The following CACNA1B variants were observed in gnomAD, a reference collection of about 807,000 sequenced individuals.
CACNA1B encodes calcium voltage-gated channel subunit alpha1 B.
In CACNA1B, 70 loss-of-function variants were observed where a neutral mutation model predicts 247.2. That is an observed-to-expected ratio of 0.28 (90% CI 0.23 to 0.35). The LOEUF is 0.35. Ranked by LOEUF, CACNA1B falls within the 10% of genes least tolerant of loss-of-function variation. CACNA1B has a pLI of 1.00. For missense variants in CACNA1B, 2,367 were observed against 3,197.4 expected (o/e 0.74, Z 6.26); for synonymous variants, 1,231 against 1,294.4 (o/e 0.95, Z 1.05).
At chr9:138,094,481 C>T (rs1194275511) in intron 36 of CACNA1B, among the ~76,000 whole-genome samples, 1 of 121,640 alleles carries the variant, frequency 8.2e-6, no homozygotes, top group Non-Finnish European at 1.9e-5. Context: ...AGAAAGTGAA[C>T]ACTCAAACTT....
chr9:138,108,881 C>G (rs1210097334), intron 39 of CACNA1B, among the ~76,000 whole-genome samples: 1 of 152,180 alleles, frequency 6.6e-6, no homozygotes, highest in East Asian at 1.9e-4. Flanking sequence ...CATCTCCTGA[C>G]CTCGTGATCC....
chr9:138,059,800 C>A lies in CACNA1B; in HGVS notation c.4668+63C>A, dbSNP rs1487085010. Reference sequence around the variant, plus strand: ...GTGGTTTCCTTCTAGAGCCTGCTCCCCTCAGTGCATCTCCAGGCCCTGTGT... The same window carrying A: ...GTGGTTTCCTTCTAGAGCCTGCTCCACTCAGTGCATCTCCAGGCCCTGTGT... On this transcript the variant is annotated intron_variant, in intron 31 of 46. Coordinates refer to ENST00000371372, the MANE Select transcript of CACNA1B (RefSeq NM_000718.4). The surrounding 1 kb of genome is among the most constrained non-coding windows in gnomAD (Gnocchi z 4.2). 12 of 916,830 alleles carry A rather than the reference C, an allele frequency of 1.3e-5. No homozygotes were observed. Among genetic ancestry groups the A allele is most frequent in the Admixed American group, 3.4e-5 (2 of 58,208 alleles). The allele number at this position is 916,830 out of a possible 1,614,324, so 56.8% of individuals were successfully genotyped here.
chr9:137,878,968 C>A, intron 1 of CACNA1B, 86 bp from the exon 2 acceptor site: 4 of 794,546 alleles, frequency 5.0e-6, no homozygotes, highest in Non-Finnish European at 6.2e-6. Context: ...GACGGCCTAG[C>A]GGTGGCTGCT....
At chr9:138,095,197 A>C (rs12336449) in intron 36 of CACNA1B, among the ~76,000 whole-genome samples, 6,652 of 152,330 alleles carry the variant, frequency 0.044, 446 homozygotes, top group African/African-American at 0.15. Context: ...AAATACTTGC[A>C]AATCACATAT....
rs572754842 is a variant in CACNA1B at position 137,954,286 on chromosome 9, T to C, written c.1071-1412T>C. Among the ~76,000 whole-genome samples, 1 of 152,308 alleles carries C rather than the reference T, an allele frequency of 6.6e-6. No homozygotes were observed. Among genetic ancestry groups the C allele is most frequent in the East Asian group, 1.9e-4 (1 of 5,172 alleles). ...TGTGGGAAAAGCCGCGGCTCTGCCA[T>C]GTCTGGGCGAGAGCTGCAGGAGGGG... On this transcript the variant is annotated intron_variant, in intron 7 of 46. Transcript: ENST00000371372. This position sits in a 1 kb window ranked among gnomAD's most constrained non-coding sequence, Gnocchi z 4.1.
Position 138,073,443 on chromosome 9 carries a change from T to G in CACNA1B, c.4675-45T>G. 7.9e-7 allele frequency: 1 copy of G among 1,265,422 alleles called. No individual in the cohort carries two copies. The highest frequency in any genetic ancestry group is 1.2e-5 in the South Asian group (1 of 83,462). The allele number at this position is 1,265,422 out of a possible 1,614,324, so 78.4% of individuals were successfully genotyped here. On this transcript the variant is annotated intron_variant, in intron 32 of 46. Transcript: ENST00000371372. The surrounding 1 kb of genome is among the most constrained non-coding windows in gnomAD (Gnocchi z 6.4). ...TAGGGTGGCAGCAGCTTGCCTGCGC[T>G]TTCGGGGCTTCTGAAGGTCAGAGAA... is the stretch of plus-strand genomic sequence containing the variant.
In CACNA1B at chr9:137,957,734, A is replaced by G. The variant is rs199938498; in HGVS notation, c.1333+47A>G. 3.6e-5 allele frequency: 48 copies of G among 1,324,802 alleles called. No homozygotes were observed. The Middle Eastern group carries it at 5.6e-4, about 16-fold the overall frequency. The allele number at this position is 1,324,802 out of a possible 1,614,324, so 82.1% of individuals were successfully genotyped here. ...CAGCTCTGCCAGGCTTGAGCTGGACATGGAGTGCATGCTCCGCTTCCCCTG... is the reference window on the plus strand; with the variant it reads ...CAGCTCTGCCAGGCTTGAGCTGGACGTGGAGTGCATGCTCCGCTTCCCCTG... On this transcript the variant is annotated intron_variant, in intron 10 of 46. Coordinates refer to ENST00000371372, the MANE Select transcript of CACNA1B (RefSeq NM_000718.4). The surrounding 1 kb of genome is among the most constrained non-coding windows in gnomAD (Gnocchi z 4.7).
chr9:138,089,040 A>G (rs1320549618), intron 36 of CACNA1B, among the ~76,000 whole-genome samples: 2 of 149,768 alleles, frequency 1.3e-5, no homozygotes, highest in African/African-American at 2.4e-5. Flanking sequence ...GAATTCTGCC[A>G]AACATTTAAA....
At position 137,908,385 on chromosome 9, in the gene CACNA1B, G is replaced by A. The variant is rs569541492; in HGVS notation, c.531-4795G>A. 2.6e-5 allele frequency among the ~76,000 whole-genome samples: 4 copies of A among 151,742 alleles called. No individual in the cohort carries two copies. In the East Asian group the frequency reaches 5.9e-4, roughly 23 times the overall value. On this transcript the variant is annotated intron_variant, in intron 3 of 46. Coordinates refer to ENST00000371372, the MANE Select transcript of CACNA1B (RefSeq NM_000718.4). The stretch of plus-strand genomic sequence containing the variant: ...ACAAAAATTAGCCAGGTATGGTGGC[G>A]AGTGCCTGTAATCCCAGCTACTCGG...
intron 20 of CACNA1B, among the ~76,000 whole-genome samples, chr9:138,035,642 A>C (rs960284880): frequency 6.6e-6 from 1 of 150,918 alleles, no homozygotes; most frequent in African/African-American, 2.4e-5. Flanking sequence ...AGTTTTGTCC[A>C]CTTAAATGGT....
intron 26 of CACNA1B, among the ~76,000 whole-genome samples, chr9:138,056,933 G>GTTTTTT (rs138277172): frequency 2.9e-4 from 33 of 113,462 alleles, no homozygotes; most frequent in Non-Finnish European, 3.9e-4. Context: ...TTTTATTTGG[G>GTTTTTT]TTTTTTTTTT....
In CACNA1B at chr9:138,052,151, G is replaced by A. The variant is rs1194337634; in HGVS notation, c.3770G>A (p.Arg1257Gln). The change falls in exon 25 of 47, where the codon CGG (arginine) becomes CAG (glutamine). Residue 1257 changes from arginine to glutamine, a missense_variant. Arg to Gln is a conservative substitution (Grantham distance 43). This residue lies in a region of CACNA1B where 436 missense variants were observed against 679.5 expected (regional missense o/e 0.64). Transcript: ENST00000371372. This position sits in a 1 kb window ranked among gnomAD's most constrained non-coding sequence, Gnocchi z 5.1. The part of the protein sequence containing the change: ...IKSLRVLRVL[R>Q]PLKTIKRLPK... ...TCTCTGAGAGTCCTTCGTGTCCTGC[G>A]GCCCCTCAAGACCATCAAACGGCTG... 7 of 1,612,180 alleles carry A rather than the reference G, an allele frequency of 4.3e-6. No individual in the cohort carries two copies. Among genetic ancestry groups the A allele is most frequent in the Admixed American group, 1.7e-5 (1 of 59,878 alleles).
At chr9:137,988,727 G>A (rs1958396825) in intron 15 of CACNA1B, among the ~76,000 whole-genome samples, 1 of 152,206 alleles carries the variant, frequency 6.6e-6, no homozygotes, top group Non-Finnish European at 1.5e-5. Flanking sequence ...GGGAGTCTGA[G>A]TTCCATGGCA....
chr9:137,897,374 G>C (rs1257928932), intron 3 of CACNA1B, among the ~76,000 whole-genome samples: 1 of 152,126 alleles, frequency 6.6e-6, no homozygotes, highest in Non-Finnish European at 1.5e-5. Flanking sequence ...GAGGTCAGGA[G>C]TTCAAGACCA....
intron 12 of CACNA1B, among the ~76,000 whole-genome samples, chr9:137,977,914 A>G (rs141349251): frequency 6.7e-6 from 1 of 149,610 alleles, no homozygotes; most frequent in Non-Finnish European, 1.5e-5. Context: ...CTACCCCCGC[A>G]GGAAGGAGTG....
At position 138,100,988 on chromosome 9, in the gene CACNA1B, C is replaced by T. The variant is rs368486568; in HGVS notation, c.5223-1723C>T. ...GAGGTGCCACCTGTCCAGTGCACCC[C>T]TCACCTCCGCCGCCACGCCTGCGCG... On this transcript the variant is annotated intron_variant, in intron 37 of 46. Transcript: ENST00000371372. The surrounding 1 kb of genome is among the most constrained non-coding windows in gnomAD (Gnocchi z 4.6). 2.6e-3 allele frequency: 1,111 copies of T among 431,076 alleles called. 18 individuals are homozygous for T. The highest frequency in any genetic ancestry group is 0.017 in the South Asian group (1,004 of 57,630). 26.7% of individuals were successfully genotyped at this position (431,076 alleles called of 1,614,324 possible).
intron 18 of CACNA1B, among the ~76,000 whole-genome samples, chr9:138,021,624 C>G (rs1325723655): frequency 6.6e-6 from 1 of 152,236 alleles, no homozygotes; most frequent in African/African-American, 2.4e-5. Flanking sequence ...TGGCCAAGGA[C>G]TCGTGTCTTC....
intron 3 of CACNA1B, among the ~76,000 whole-genome samples, chr9:137,898,434 G>T (rs1256236497): frequency 6.6e-6 from 1 of 151,874 alleles, no homozygotes; most frequent in Non-Finnish European, 1.5e-5. Context: ...TTTTTTTCTG[G>T]AACTCTGATG....
In CACNA1B at chr9:137,914,108, T is replaced by A. The variant is rs1360611516; in HGVS notation, c.623-546T>A. Reference sequence around the variant, plus strand: ...GAGTTGGGTCTGTTAGGAATACCTGTACTTCTCCCCCAGGATCCCCTGCTC... The same window carrying A: ...GAGTTGGGTCTGTTAGGAATACCTGAACTTCTCCCCCAGGATCCCCTGCTC... On this transcript the variant is annotated intron_variant, in intron 4 of 46. Coordinates refer to ENST00000371372, the MANE Select transcript of CACNA1B (RefSeq NM_000718.4). This position sits in a 1 kb window ranked among gnomAD's most constrained non-coding sequence, Gnocchi z 4.3. Among the ~76,000 whole-genome samples, 1 of 152,132 alleles carries A rather than the reference T, an allele frequency of 6.6e-6. No individual in the cohort carries two copies. Among genetic ancestry groups the A allele is most frequent in the Non-Finnish European group, 1.5e-5 (1 of 67,994 alleles).
Sources: allele counts gnomAD v4.1 joint callset (sites outside exome capture counted in the v4.1 genomes callset), GRCh38; gene constraint gnomAD v4.1.1; regional missense constraint gnomAD v4.1.1; non-coding constraint Gnocchi (gnomAD v3.1); transcripts MANE v1.5; gene names NCBI Gene and HGNC (gene_info 2026-07-23, HGNC 2026-07-21).